The following RGS7BP variants were observed in gnomAD, a reference collection of about 807,000 sequenced individuals.
RGS7BP encodes the protein regulator of G protein signaling 7 binding protein, also known as regulator of G protein signaling 7-binding protein.
In RGS7BP, 9 loss-of-function variants were observed where a neutral mutation model predicts 31.3. The observed-to-expected ratio is 0.29, with a 90% CI of 0.17 to 0.50. The LOEUF (loss-of-function observed/expected upper bound fraction) is 0.50, where lower values mean the gene tolerates loss of function less well. RGS7BP is among the 20% of genes least tolerant of loss of function. RGS7BP has a pLI of 0.98. For missense variants in RGS7BP, 274 were observed against 322.0 expected, an observed-to-expected ratio of 0.85 and a Z score of 1.14; for synonymous variants, 115 against 120.1, an observed-to-expected ratio of 0.96 and a Z score of 0.28.
intron 2 of RGS7BP, among the ~76,000 whole-genome samples, chr5:64,513,015 T>C (rs1255021256): frequency 2.6e-5 from 4 of 152,258 alleles, no homozygotes; most frequent in Admixed American, 6.5e-5. Flanking sequence ...ATTGAAGGAC[T>C]TCTGAATCTC....
At chr5:64,548,443 T>C (rs931440616) in intron 2 of RGS7BP, among the ~76,000 whole-genome samples, 1 of 152,190 alleles carries the variant, frequency 6.6e-6, no homozygotes, top group Admixed American at 6.5e-5. Flanking sequence ...GCAAGTTAAA[T>C]TACACCACAT....
chr5:64,567,487 C>T (rs1031797425), intron 2 of RGS7BP, among the ~76,000 whole-genome samples: 2 of 152,114 alleles, frequency 1.3e-5, no homozygotes, highest in Non-Finnish European at 2.9e-5. Flanking sequence ...CTAGATTCTA[C>T]AATTAACATT....
At chr5:64,539,701 G>C (rs557941925) in intron 2 of RGS7BP, 74 of 152,244 alleles carry the variant, frequency 4.9e-4, no homozygotes, top group African/African-American at 1.7e-3. Flanking sequence ...GTTGTAAATG[G>C]AGCAGGTCAG....
chr5:64,506,660 C>A lies in RGS7BP; in HGVS notation c.36C>A (p.Pro12=). 6.2e-7 allele frequency: 1 copy of A among 1,612,294 alleles called. No homozygotes were observed. The highest frequency in any genetic ancestry group is 8.5e-7 in the Non-Finnish European group (1 of 1,178,696). ...SSAPNGRKKR[P]SRSTRSSIFQ... ...CACCGAATGGGCGCAAAAAGCGCCC[C>A]AGCCGGTCCACCCGCTCCTCGATCT... is the stretch of plus-strand genomic sequence containing the variant. Residue 12 remains proline, a synonymous_variant, in exon 1 of 6, where the codon CCC becomes CCA. Transcript: ENST00000334025. The surrounding 1 kb of genome is among the most constrained non-coding windows in gnomAD (Gnocchi z 4.6).
chr5:64,577,969 C>T (rs1033246455), intron 3 of RGS7BP, among the ~76,000 whole-genome samples: 8 of 152,180 alleles, frequency 5.3e-5, no homozygotes, highest in Admixed American at 1.3e-4. Flanking sequence ...TGTAGCTCCT[C>T]GATTTGCCAC....
intron 2 of RGS7BP, among the ~76,000 whole-genome samples, chr5:64,527,643 G>GT (rs1749265816): frequency 1.4e-5 from 1 of 70,658 alleles, no homozygotes; most frequent in Admixed American, 1.5e-4. Flanking sequence ...AAAAAAAAAA[G>GT]AGGAATGTTC....
intron 4 of RGS7BP, among the ~76,000 whole-genome samples, chr5:64,596,821 G>C (rs1214267474): frequency 6.6e-6 from 1 of 152,074 alleles, no homozygotes; most frequent in Non-Finnish European, 1.5e-5. Context: ...ACTTGAAAAG[G>C]AGCTCCCATG....
chr5:64,534,999 G>GA (rs201811689), intron 2 of RGS7BP, among the ~76,000 whole-genome samples: 2 of 152,284 alleles, frequency 1.3e-5, no homozygotes, highest in South Asian at 2.1e-4. Context: ...GGTGTCAAGA[G>GA]AAAAACTGTC....
intron 2 of RGS7BP, among the ~76,000 whole-genome samples, chr5:64,520,182 T>C (rs1269723642): frequency 1.3e-5 from 2 of 152,220 alleles, no homozygotes; most frequent in South Asian, 4.1e-4. Context: ...CTGGTCTCTC[T>C]GGTGCCAGAG....
At chr5:64,538,523 C>CTTTTTTTTTTTTTTTTTTTTTTT in intron 2 of RGS7BP, among the ~76,000 whole-genome samples, 1 of 27,484 alleles carries the variant, frequency 3.6e-5, no homozygotes, top group Non-Finnish European at 6.9e-5. Flanking sequence ...TTTTCCTTTT[C>CTTTTTTTTTTTTTTTTTTTTTTT]TTTTCTTTTT....
intron 2 of RGS7BP, among the ~76,000 whole-genome samples, chr5:64,509,460 T>C (rs995151483): frequency 1.3e-5 from 2 of 152,190 alleles, no homozygotes; most frequent in African/African-American, 4.8e-5. Context: ...CAGTCTATTT[T>C]GCGACACACA....
rs542252038 is a variant in RGS7BP, at chr5:64,553,171, C to CTTT, written c.333-22586_333-22584dup. Among the ~76,000 whole-genome samples, 568 of 118,214 alleles carry CTTT rather than the reference C, an allele frequency of 4.8e-3. 9 individuals are homozygous for CTTT. The highest frequency in any genetic ancestry group is 0.017 in the African/African-American group (537 of 31,224). The allele number at this position is 118,214 out of a possible 152,430, so 77.6% of individuals were successfully genotyped here. On this transcript the variant is annotated intron_variant, in intron 2 of 5. Coordinates refer to ENST00000334025, the MANE Select transcript of RGS7BP (RefSeq NM_001029875.3). ...TAGGACTTCCTTCCTTTCTTTCTTT[C>CTTT]TTTTTTTTTTTTTTTTTTTGAAACG...
intron 2 of RGS7BP, among the ~76,000 whole-genome samples, chr5:64,569,532 A>G (rs927308194): frequency 1.3e-5 from 2 of 152,106 alleles, no homozygotes; most frequent in Non-Finnish European, 2.9e-5. Context: ...TTCTGTATTT[A>G]TGAGAGTCTG....
chr5:64,595,913 A>T (rs1206164139), intron 4 of RGS7BP, among the ~76,000 whole-genome samples: 1 of 152,208 alleles, frequency 6.6e-6, no homozygotes, highest in African/African-American at 2.4e-5. Flanking sequence ...GCTATTAATA[A>T]AACTTGGATT....
chr5:64,541,749 A>T (rs1477732358), intron 2 of RGS7BP, among the ~76,000 whole-genome samples: 1 of 151,490 alleles, frequency 6.6e-6, no homozygotes, highest in Non-Finnish European at 1.5e-5. Flanking sequence ...CAGTAGCATT[A>T]TTTTTTTTCA....
At chr5:64,555,014 A>C (rs1035749811) in intron 2 of RGS7BP, among the ~76,000 whole-genome samples, 1 of 152,100 alleles carries the variant, frequency 6.6e-6, no homozygotes, top group Non-Finnish European at 1.5e-5. Context: ...AGATATAGAA[A>C]ATATAAAAAG....
chr5:64,548,204 A>G (rs1393791558), intron 2 of RGS7BP, among the ~76,000 whole-genome samples: 2 of 152,150 alleles, frequency 1.3e-5, no homozygotes, highest in African/African-American at 4.8e-5. Flanking sequence ...TTCAATTCTC[A>G]CAAGTATCAT....
At chr5:64,598,707 C>T (rs1743141665) in intron 5 of RGS7BP, among the ~76,000 whole-genome samples, 1 of 152,166 alleles carries the variant, frequency 6.6e-6, no homozygotes, top group South Asian at 2.1e-4. Flanking sequence ...ATGCCAGGCA[C>T]AGCAAGAGAC....
At chr5:64,547,280 G>C (rs563006501) in intron 2 of RGS7BP, among the ~76,000 whole-genome samples, 2 of 152,268 alleles carry the variant, frequency 1.3e-5, no homozygotes, top group Admixed American at 6.5e-5. Context: ...GCATAGGGTT[G>C]ATATATATTT....
Sources: allele counts gnomAD v4.1 joint callset (sites outside exome capture counted in the v4.1 genomes callset), GRCh38; gene constraint gnomAD v4.1.1; non-coding constraint Gnocchi (gnomAD v3.1); transcripts MANE v1.5; gene names NCBI Gene and HGNC (gene_info 2026-07-23, HGNC 2026-07-21).